Variants in EMB observed in about 807,000 individuals in gnomAD.
EMB encodes the protein embigin.
In EMB, 31 loss-of-function variants were observed where a neutral mutation model predicts 41.4. That is an observed-to-expected ratio of 0.75 (90% CI 0.56 to 1.01). The LOEUF is 1.01. EMB is among the 50% of genes least tolerant of loss of function. The probability of loss-of-function intolerance (pLI) is 0.00; values close to 1 mark genes in which losing one functional copy is unlikely to be tolerated. For missense variants in EMB, 379 were observed against 388.3 expected (o/e 0.98, Z 0.20); for synonymous variants, 137 against 140.4 (o/e 0.98, Z 0.17).
chr5:50,432,335 T>C (rs1745733103), intron 1 of EMB, among the ~76,000 whole-genome samples: 1 of 147,658 alleles, frequency 6.8e-6, no homozygotes, highest in Non-Finnish European at 1.5e-5. Context: ...TCTATACTGA[T>C]TGCTATCAAC....
At position 50,397,434 on chromosome 5, in the gene EMB, T is replaced by C. The variant is rs1255285433; in HGVS notation, c.*1839A>G. The C allele has an allele frequency of 2.6e-5, 4 of 152,136 alleles. No homozygotes were observed. Among genetic ancestry groups the C allele is most frequent in the Non-Finnish European group, 2.9e-5 (2 of 68,012 alleles). 9.4% of individuals were successfully genotyped at this position (152,136 alleles called of 1,614,324 possible). ...AGAAATATTCCTGATTATTTTACCT[T>C]TGGGAAGCAATGCTTGTTGCTTGAA... On this transcript the variant is annotated 3_prime_UTR_variant, in exon 9 of 9. Transcript: ENST00000303221.
chr5:50,410,965 C>G lies in EMB; in HGVS notation c.384G>C (p.Arg128Ser). ...TTTGTTTGCTATTAATGATGGTGAA[C>G]CTAAAGATAATTCAAGTTATTAATA... ...ATGSTLYTQY[R>S]FTIINSKQMG... The change falls in exon 4 of 9, where the codon AGG becomes AGC. Residue 128 changes from arginine (R) to serine (S), a missense_variant and splice_region_variant. Arg to Ser is a moderately radical substitution (Grantham distance 110). Transcript: ENST00000303221. The G allele has an allele frequency of 6.3e-7, 1 of 1,587,710 alleles. No homozygotes were observed. The highest frequency in any genetic ancestry group is 8.6e-7 in the Non-Finnish European group (1 of 1,168,472).
chr5:50,406,521 AAAAAT>A (rs1406642956), intron 4 of EMB, among the ~76,000 whole-genome samples: 1 of 151,864 alleles, frequency 6.6e-6, no homozygotes, highest in Non-Finnish European at 1.5e-5. Context: ...AATTTAGAAA[AAAAAT>A]AAGTTTTAAG....
At chr5:50,430,252 G>A (rs1348684023) in intron 1 of EMB, among the ~76,000 whole-genome samples, 7 of 152,128 alleles carry the variant, frequency 4.6e-5, no homozygotes, top group Non-Finnish European at 1.5e-5. Context: ...TGTGAAGCCT[G>A]CAAAACGTAA....
At chr5:50,403,092 A>G (rs1265563139) in intron 6 of EMB, 86 bp downstream of exon 6, 5 of 1,259,446 alleles carry the variant, frequency 4.0e-6, no homozygotes, top group East Asian at 5.1e-5. Context: ...GTATCAAATC[A>G]TAATCCATAT....
intron 1 of EMB, among the ~76,000 whole-genome samples, chr5:50,433,669 T>G: frequency 6.6e-6 from 1 of 152,230 alleles, no homozygotes. Context: ...GGGGGAAGAT[T>G]ACTACATTTA....
chr5:50,406,467 G>T (rs1162314405), intron 4 of EMB, among the ~76,000 whole-genome samples: 1 of 151,644 alleles, frequency 6.6e-6, no homozygotes, highest in African/African-American at 2.4e-5. Context: ...AGTCAAGGAA[G>T]TTTGAAGTAG....
At chr5:50,421,431 T>G (rs1363243226) in intron 2 of EMB, among the ~76,000 whole-genome samples, 1 of 152,088 alleles carries the variant, frequency 6.6e-6, no homozygotes, top group Non-Finnish European at 1.5e-5. Flanking sequence ...ATAGGAACAC[T>G]TTTACACTGT....
chr5:50,411,532 G>T, intron 2 of EMB, 149 bp from the exon 3 acceptor site: 2 of 577,286 alleles, frequency 3.5e-6, no homozygotes, highest in Non-Finnish European at 5.7e-6. Context: ...AACATAGTTG[G>T]TTCCCTTTCT....
At chr5:50,439,286 G>GA (rs969954717) in intron 1 of EMB, among the ~76,000 whole-genome samples, 14 of 152,138 alleles carry the variant, frequency 9.2e-5, no homozygotes, top group Admixed American at 7.9e-4. Context: ...CCAGAAGGGG[G>GA]AAAAATGTCC....
At chr5:50,400,562 C>T (rs1745144902) in intron 7 of EMB, among the ~76,000 whole-genome samples, 2 of 151,838 alleles carry the variant, frequency 1.3e-5, no homozygotes, top group Admixed American at 1.3e-4. Flanking sequence ...GTGTACTCTT[C>T]AAAAGCAGAA....
chr5:50,406,034 T>C (rs1474060657), intron 4 of EMB, among the ~76,000 whole-genome samples, 182 bp from the exon 5 acceptor site: 2 of 151,914 alleles, frequency 1.3e-5, no homozygotes, highest in African/African-American at 2.4e-5. Context: ...TAATAGTAGA[T>C]AGATTCGATA....
upstream of EMB, among the ~76,000 whole-genome samples, chr5:50,441,531 G>A (rs1371854966): frequency 2.0e-5 from 3 of 152,214 alleles, no homozygotes; most frequent in Admixed American, 1.3e-4. Context: ...TCTGCCTACA[G>A]ACTGGCCTTT....
intron 1 of EMB, among the ~76,000 whole-genome samples, chr5:50,431,515 T>C (rs1373861974): frequency 6.6e-6 from 1 of 152,176 alleles, no homozygotes; most frequent in Non-Finnish European, 1.5e-5. Flanking sequence ...ATTTGGGGTC[T>C]TAATCCAAAT....
chr5:50,400,464 T>C (rs565602132), intron 7 of EMB, among the ~76,000 whole-genome samples: 20 of 152,092 alleles, frequency 1.3e-4, no homozygotes, highest in African/African-American at 4.8e-4. Context: ...TCATAATGCA[T>C]ATTATAAGAC....
At chr5:50,429,950 C>T (rs1396996456) in intron 1 of EMB, among the ~76,000 whole-genome samples, 1 of 150,650 alleles carries the variant, frequency 6.6e-6, no homozygotes, top group South Asian at 2.1e-4. Context: ...TCTTCCCTCT[C>T]ACCCTCCCCA....
At chr5:50,405,996 GTAGT>G (rs1345050951) in intron 4 of EMB, 144 bp from the exon 5 acceptor site, 3 of 1,185,952 alleles carry the variant, frequency 2.5e-6, no homozygotes, top group Non-Finnish European at 3.4e-6. Context: ...CTAATTTATA[GTAGT>G]TAGGGTGTAG....
chr5:50,415,590 A>G (rs1264880171), intron 2 of EMB, among the ~76,000 whole-genome samples: 2 of 152,210 alleles, frequency 1.3e-5, no homozygotes, highest in Non-Finnish European at 2.9e-5. Context: ...AATCTTCACA[A>G]CAGCTTTATG....
At chr5:50,403,661 A>G (rs527733658) in intron 5 of EMB, among the ~76,000 whole-genome samples, 5 of 152,072 alleles carry the variant, frequency 3.3e-5, no homozygotes, top group Admixed American at 1.3e-4. Context: ...AAATATATAC[A>G]TTGCTATAAG....
Sources: allele counts gnomAD v4.1 joint callset (sites outside exome capture counted in the v4.1 genomes callset), GRCh38; gene constraint gnomAD v4.1.1; transcripts MANE v1.5; gene names NCBI Gene and HGNC (gene_info 2026-07-23, HGNC 2026-07-21).